The following OXSR1 variants were observed in gnomAD, a reference collection of about 807,000 sequenced individuals.
The protein encoded by OXSR1 is oxidative stress responsive kinase 1, also known as serine/threonine-protein kinase OSR1.
Under a neutral mutation model 79.8 loss-of-function variants are expected in OXSR1, and 24 were observed. The ratio of observed to expected loss-of-function variants is 0.30; its 90% CI spans 0.22 to 0.42. OXSR1 has a LOEUF of 0.42. OXSR1 is among the 10% of genes least tolerant of loss of function. The pLI is 1.00. For missense variants in OXSR1, 430 were observed against 618.4 expected, an observed-to-expected ratio of 0.70 and a Z score of 3.23; for synonymous variants, 226 against 209.2, an observed-to-expected ratio of 1.08 and a Z score of -0.69.
rs528225901 is a variant in OXSR1, at chr3:38,255,228, T to G, written c.*2337T>G. 9.8e-5 allele frequency: 15 copies of G among 152,638 alleles called. No homozygotes were observed. Among genetic ancestry groups the G allele is most frequent in the Non-Finnish European group, 1.8e-4 (12 of 68,044 alleles). 9.5% of individuals were successfully genotyped at this position (152,638 alleles called of 1,614,324 possible). Reference sequence around the variant, plus strand: ...AAGTAATATGTGCCAATGCTATTTGTGAAATGTTTGGTCTTTCTAAACGAC... The same window carrying G: ...AAGTAATATGTGCCAATGCTATTTGGGAAATGTTTGGTCTTTCTAAACGAC... On this transcript the variant is annotated 3_prime_UTR_variant, in exon 18 of 18. Coordinates refer to ENST00000311806, the MANE Select transcript of OXSR1 (RefSeq NM_005109.3).
Position 38,190,750 on chromosome 3 carries a change from G to A in OXSR1, c.203G>A (p.Ser68Asn). 1 of 1,588,834 alleles carries A rather than the reference G, an allele frequency of 6.3e-7. No homozygotes were observed. The change falls in exon 3 of 18, where the codon AGT (serine) becomes AAT (asparagine). Residue 68 changes from serine to asparagine, a missense_variant. Coordinates refer to ENST00000311806, the MANE Select transcript of OXSR1 (RefSeq NM_005109.3). ...DELLKEIQAM[S>N]QCHHPNIVSY... The stretch of plus-strand genomic sequence containing the variant: ...TTGTAGAAAGAAATTCAAGCCATGA[G>A]TCAATGCCATCATCCTAATATTGTA...
At chr3:38,191,350 G>A (rs1206286649) in intron 3 of OXSR1, among the ~76,000 whole-genome samples, 3 of 152,010 alleles carry the variant, frequency 2.0e-5, no homozygotes, top group Non-Finnish European at 4.4e-5. Flanking sequence ...ACAGGTGTGA[G>A]CCATTGTGCC....
In OXSR1 at chr3:38,198,882, T is replaced by G. The variant is rs747431809; in HGVS notation, c.434+19T>G. On this transcript the variant is annotated intron_variant, in intron 4 of 17. Coordinates refer to ENST00000311806, the MANE Select transcript of OXSR1 (RefSeq NM_005109.3). ...TCCACAGGTATGTAAAAGACAATAC[T>G]CTTGTGTTACATCATCTCATTAAGG... 11 of 1,605,478 alleles carry G rather than the reference T, an allele frequency of 6.9e-6. No individual in the cohort carries two copies. Among genetic ancestry groups the G allele is most frequent in the Non-Finnish European group, 9.4e-6 (11 of 1,174,160 alleles).
chr3:38,196,712 T>G (rs1045172188), intron 3 of OXSR1, among the ~76,000 whole-genome samples: 2 of 152,252 alleles, frequency 1.3e-5, no homozygotes, highest in Admixed American at 6.5e-5. Flanking sequence ...TCACTTTTTA[T>G]GTGCCCCAAG....
intron 11 of OXSR1, 125 bp from the exon 12 acceptor site, chr3:38,242,618 G>T: frequency 2.0e-6 from 1 of 502,758 alleles, no homozygotes; most frequent in Non-Finnish European, 3.6e-6. Context: ...AGACTTGCTG[G>T]TGAGTTAATA....
In OXSR1 at chr3:38,165,833, A is replaced by G. The variant is rs1486977830; in HGVS notation, c.-44A>G. The G allele has an allele frequency of 6.5e-7, 1 of 1,548,340 alleles. No homozygotes were observed. The highest frequency in any genetic ancestry group is 8.8e-7 in the Non-Finnish European group (1 of 1,132,198). On this transcript the variant is annotated 5_prime_UTR_variant, in exon 1 of 18. Coordinates refer to ENST00000311806, the MANE Select transcript of OXSR1 (RefSeq NM_005109.3). ...GAGACGCGCGGCGAGGAGACGAGCGAGGTCAGCGAGTTTGAGGGAGGACCG... is the reference window on the plus strand; with the variant it reads ...GAGACGCGCGGCGAGGAGACGAGCGGGGTCAGCGAGTTTGAGGGAGGACCG...
intron 8 of OXSR1, among the ~76,000 whole-genome samples, chr3:38,226,718 A>C (rs1702696454): frequency 6.6e-6 from 1 of 152,054 alleles, no homozygotes; most frequent in African/African-American, 2.4e-5. Flanking sequence ...AGGAATATGC[A>C]GCAAGATACC....
At chr3:38,247,627 A>G in intron 13 of OXSR1, 41 bp from the exon 14 acceptor site, 1 of 1,441,698 alleles carries the variant, frequency 6.9e-7, no homozygotes, top group Non-Finnish European at 9.8e-7. Flanking sequence ...TCCCCACTTA[A>G]TGTTTCAGGC....
At chr3:38,176,305 C>T (rs1344306962) in intron 1 of OXSR1, among the ~76,000 whole-genome samples, 1 of 152,070 alleles carries the variant, frequency 6.6e-6, no homozygotes, top group Non-Finnish European at 1.5e-5. Context: ...TATCTCTAAT[C>T]CTTCTGTATT....
At chr3:38,251,215 C>T (rs570634635) in intron 15 of OXSR1, among the ~76,000 whole-genome samples, 188 bp from the exon 16 acceptor site, 55 of 152,208 alleles carry the variant, frequency 3.6e-4, no homozygotes, top group African/African-American at 1.3e-3. Flanking sequence ...GTGAGAATTC[C>T]ACTTGAGATA....
chr3:38,207,270 G>T (rs1702284084), intron 4 of OXSR1, among the ~76,000 whole-genome samples: 1 of 152,188 alleles, frequency 6.6e-6, no homozygotes, highest in South Asian at 2.1e-4. Flanking sequence ...GATTTACAGG[G>T]CTGTAGAAGA....
chr3:38,175,475 T>C (rs569315428), intron 1 of OXSR1, among the ~76,000 whole-genome samples: 2 of 152,172 alleles, frequency 1.3e-5, no homozygotes, highest in African/African-American at 4.8e-5. Context: ...AATTTTTGTA[T>C]TTTTTTGTAG....
chr3:38,188,451 A>G (rs1701923778), intron 2 of OXSR1, among the ~76,000 whole-genome samples: 1 of 152,182 alleles, frequency 6.6e-6, no homozygotes, highest in African/African-American at 2.4e-5. Flanking sequence ...TTGCGCTAAT[A>G]TTAATATAAC....
At chr3:38,208,824 C>T (rs1295470213) in intron 4 of OXSR1, among the ~76,000 whole-genome samples, 1 of 152,152 alleles carries the variant, frequency 6.6e-6, no homozygotes, top group Non-Finnish European at 1.5e-5. Flanking sequence ...ATGGCCTGAA[C>T]GTGGGAGGCG....
intron 12 of OXSR1, among the ~76,000 whole-genome samples, chr3:38,244,684 A>T (rs1559528125): frequency 2.1e-5 from 1 of 46,726 alleles, no homozygotes; most frequent in Admixed American, 2.2e-4. Flanking sequence ...CATGTACCAC[A>T]TTTTATTCAT....
intron 12 of OXSR1, among the ~76,000 whole-genome samples, chr3:38,243,736 A>G (rs748605626): frequency 2.4e-4 from 36 of 152,236 alleles, no homozygotes; most frequent in Non-Finnish European, 4.7e-4. Context: ...TTTACATAGA[A>G]CTGTATTAAG....
chr3:38,186,530 A>G (rs147657018), intron 2 of OXSR1, among the ~76,000 whole-genome samples: 25 of 152,268 alleles, frequency 1.6e-4, no homozygotes, highest in Non-Finnish European at 2.6e-4. Context: ...AGATTTGCCT[A>G]TTCTGGACAT....
At chr3:38,232,283 A>G (rs913245193) in intron 10 of OXSR1, among the ~76,000 whole-genome samples, 1 of 151,940 alleles carries the variant, frequency 6.6e-6, no homozygotes, top group Non-Finnish European at 1.5e-5. Context: ...TTAATGAGCT[A>G]TGGTGGCATA....
At chr3:38,229,256 G>A (rs1702756328) in intron 8 of OXSR1, among the ~76,000 whole-genome samples, 1 of 152,164 alleles carries the variant, frequency 6.6e-6, no homozygotes, top group Non-Finnish European at 1.5e-5. Flanking sequence ...GTGGCAAGAA[G>A]TGGAGGTCTT....
Sources: allele counts gnomAD v4.1 joint callset (sites outside exome capture counted in the v4.1 genomes callset), GRCh38; gene constraint gnomAD v4.1.1; transcripts MANE v1.5; gene names NCBI Gene and HGNC (gene_info 2026-07-23, HGNC 2026-07-21).